Variants in OGN observed in about 807,000 individuals in gnomAD.
The protein encoded by OGN is osteoglycin, also known as mimecan.
In OGN, 19 loss-of-function variants were observed where a neutral mutation model predicts 30.8. That is an observed-to-expected ratio of 0.62 (90% CI 0.43 to 0.90). The LOEUF (loss-of-function observed/expected upper bound fraction) is 0.90. Among genes scored for constraint, OGN ranks in the 40% least tolerant of loss-of-function variants. The pLI, the probability that OGN is intolerant of heterozygous loss-of-function variation, is 0.00. For synonymous variants in OGN, 126 were observed against 128.3 expected, an observed-to-expected ratio of 0.98 and a Z score of 0.12; for missense variants, 283 against 349.7, an observed-to-expected ratio of 0.81 and a Z score of 1.52.
At position 92,384,428 on chromosome 9, in the gene OGN, A is replaced by G. The variant is rs1842347524; in HGVS notation, c.*1192T>C. 6.6e-6 allele frequency: 1 copy of G among 152,170 alleles called. No homozygotes were observed. Among genetic ancestry groups the G allele is most frequent in the South Asian group, 2.1e-4 (1 of 4,836 alleles). 9.4% of individuals were successfully genotyped at this position (152,170 alleles called of 1,614,324 possible). On this transcript the variant is annotated 3_prime_UTR_variant, in exon 7 of 7. Coordinates refer to ENST00000375561, the MANE Select transcript of OGN (RefSeq NM_014057.5). ...ACTTTTACTTACACAGTCCGGACTC[A>G]TGTTTCTAAAACACTGATAATTTTG... is the stretch of plus-strand genomic sequence containing the variant.
intron 3 of OGN, among the ~76,000 whole-genome samples, chr9:92,396,548 T>A (rs1360527017): frequency 1.5e-5 from 2 of 130,208 alleles, no homozygotes; most frequent in East Asian, 4.7e-4. Context: ...GATTTCAGTG[T>A]ACAGGCCTTA....
At chr9:92,398,112 T>C (rs1842966274) in intron 3 of OGN, among the ~76,000 whole-genome samples, 1 of 152,222 alleles carries the variant, frequency 6.6e-6, no homozygotes, top group South Asian at 2.1e-4. Flanking sequence ...CATAACACTG[T>C]GCATAACAAA....
Position 92,383,706 on chromosome 9 carries a change from C to T in OGN, c.*1914G>A, listed in dbSNP as rs143608258. Among the ~76,000 whole-genome samples the T allele has an allele frequency of 2.0e-5, 3 of 152,132 alleles. No individual in the cohort carries two copies. Among genetic ancestry groups the T allele is most frequent in the African/African-American group, 7.2e-5 (3 of 41,524 alleles). On this transcript the variant is annotated 3_prime_UTR_variant, in exon 7 of 7. Transcript: ENST00000375561. Reference sequence around the variant, plus strand: ...TGCATGTTCATATATATCCTCTTATCTAGAAATCCCCAAATTATTTCTTTA... The same window carrying T: ...TGCATGTTCATATATATCCTCTTATTTAGAAATCCCCAAATTATTTCTTTA...
rs1415175600 is a variant in OGN, at chr9:92,384,753, T to G, written c.*867A>C. 1 of 152,112 alleles carries G rather than the reference T, an allele frequency of 6.6e-6. No homozygotes were observed. Among genetic ancestry groups the G allele is most frequent in the Non-Finnish European group, 1.5e-5 (1 of 67,974 alleles). 9.4% of individuals were successfully genotyped at this position (152,112 alleles called of 1,614,324 possible). On this transcript the variant is annotated 3_prime_UTR_variant, in exon 7 of 7. Coordinates refer to ENST00000375561, the MANE Select transcript of OGN (RefSeq NM_014057.5). ...TTTTCATCTTATGCTTGAACTAATT[T>G]ATTGATGAGATTCTCATTTCTGTAG...
rs1406218966 is a variant in OGN, at chr9:92,383,769, C to T, written c.*1851G>A. On this transcript the variant is annotated 3_prime_UTR_variant, in exon 7 of 7. Transcript: ENST00000375561. ...ATACCTTTTACCAATGTTCTTTCTC[C>T]CTTATCATTATCTTATCTAAAACTA... 1.3e-5 allele frequency among the ~76,000 whole-genome samples: 2 copies of T among 151,676 alleles called. No individual in the cohort carries two copies. The highest frequency in any genetic ancestry group is 4.8e-5 in the African/African-American group (2 of 41,290).
chr9:92,387,062 A>G (rs1175111850), intron 5 of OGN, among the ~76,000 whole-genome samples: 1 of 149,844 alleles, frequency 6.7e-6, no homozygotes, highest in African/African-American at 2.4e-5. Context: ...AGAAAAAAAA[A>G]AAAAAAAAAA....
intron 2 of OGN, 141 bp from the exon 3 acceptor site, chr9:92,401,326 A>G (rs1434976919): frequency 1.6e-5 from 8 of 502,258 alleles, no homozygotes; most frequent in Non-Finnish European, 2.8e-5. Context: ...ACATATTTCC[A>G]TTTTATCATC....
chr9:92,403,558 G>A, intron 1 of OGN, 76 bp from the exon 2 acceptor site: 1 of 1,332,882 alleles, frequency 7.5e-7, no homozygotes, highest in Non-Finnish European at 9.6e-7. Context: ...TGCGCAGTAA[G>A]GGCCAGAGAA....
At chr9:92,393,720 A>G (rs919679506) in intron 3 of OGN, among the ~76,000 whole-genome samples, 1 of 152,116 alleles carries the variant, frequency 6.6e-6, no homozygotes, top group Admixed American at 6.6e-5. Context: ...TTTACTTGTC[A>G]TACCTCTTGG....
At chr9:92,401,996 A>C (rs1843134694) in intron 2 of OGN, among the ~76,000 whole-genome samples, 1 of 152,064 alleles carries the variant, frequency 6.6e-6, no homozygotes, top group Non-Finnish European at 1.5e-5. Context: ...TTTGCACATC[A>C]AGTCCTGTTG....
At chr9:92,403,140 C>T (rs1461160196) in intron 2 of OGN, 94 bp downstream of exon 2, 1 of 757,544 alleles carries the variant, frequency 1.3e-6, no homozygotes, top group Non-Finnish European at 2.1e-6. Flanking sequence ...ATTTTCCCTT[C>T]CCCTTACCTT....
At chr9:92,400,410 A>T (rs547936421) in intron 3 of OGN, among the ~76,000 whole-genome samples, 12 of 152,136 alleles carry the variant, frequency 7.9e-5, no homozygotes, top group Non-Finnish European at 1.5e-4. Flanking sequence ...CAGCCTCCCA[A>T]AGTACTGGGA....
chr9:92,392,580 A>G (rs1842730366), intron 4 of OGN, among the ~76,000 whole-genome samples: 1 of 150,462 alleles, frequency 6.6e-6, no homozygotes, highest in South Asian at 2.1e-4. Context: ...ACGCCACTCT[A>G]CTCCAGCCTG....
upstream of OGN, chr9:92,404,695 G>T: frequency 8.1e-7 from 1 of 1,234,486 alleles, no homozygotes; most frequent in South Asian, 1.5e-5. Flanking sequence ...AGGGTGAAAT[G>T]CAGTGTGTTG....
At chr9:92,397,848 TATACTCATGTATAC>T (rs1347103080) in intron 3 of OGN, among the ~76,000 whole-genome samples, 7 of 152,228 alleles carry the variant, frequency 4.6e-5, no homozygotes, top group African/African-American at 1.7e-4. Context: ...ATGTATACCA[TATACTCATGTATAC>T]ATACACACAC....
rs1327903450 is a variant in OGN at position 92,390,045 on chromosome 9, T to G, written c.439A>C (p.Arg147=). 13 of 1,587,820 alleles carry G rather than the reference T, an allele frequency of 8.2e-6. No individual in the cohort carries two copies. The highest frequency in any genetic ancestry group is 1.0e-5 in the Non-Finnish European group (12 of 1,161,484). ...KDFADIPNLR[R]LDFTGNLIED... Reference sequence around the variant, plus strand: ...ATCAAATTTCCTGTAAAATCGAGTCTTCTTAAGTTAGCTAGAGGGAAAAAA... The same window carrying G: ...ATCAAATTTCCTGTAAAATCGAGTCGTCTTAAGTTAGCTAGAGGGAAAAAA... Residue 147 remains arginine, a synonymous_variant, in exon 5 of 7, where the codon AGA becomes CGA. Transcript: ENST00000375561.
intron 3 of OGN, among the ~76,000 whole-genome samples, chr9:92,399,931 A>G (rs1478439242): frequency 1.3e-5 from 2 of 152,164 alleles, no homozygotes; most frequent in Non-Finnish European, 2.9e-5. Flanking sequence ...TGTGTAGTAC[A>G]TCTGATTCCT....
At chr9:92,397,378 A>G (rs986340710) in intron 3 of OGN, among the ~76,000 whole-genome samples, 3 of 152,130 alleles carry the variant, frequency 2.0e-5, no homozygotes, top group African/African-American at 7.2e-5. Flanking sequence ...CCCAGGCTGG[A>G]GTGCAGTGGT....
rs143188159 is a variant in OGN, at chr9:92,403,329, A to T, written c.79T>A (p.Ser27Thr). ...IKPAPPTQQD[S>T]RIIYDYGTDN... ...GTTCCATAATCATAGATAATGCGTG[A>T]GTCCTGCTGGGTTGGTGGTGCTGGC... Residue 27 changes from serine (S) to threonine (T), a missense_variant, in exon 2 of 7, where the codon TCA (serine) becomes ACA (threonine). Transcript: ENST00000375561. 103 of 1,613,582 alleles carry T rather than the reference A, an allele frequency of 6.4e-5. No individual in the cohort carries two copies. The African/African-American group carries it at 1.2e-3, about 19-fold the overall frequency.
Sources: allele counts gnomAD v4.1 joint callset (sites outside exome capture counted in the v4.1 genomes callset), GRCh38; gene constraint gnomAD v4.1.1; transcripts MANE v1.5; gene names NCBI Gene and HGNC (gene_info 2026-07-23, HGNC 2026-07-21).